ZMYM4: variants seen among roughly 807,000 people sequenced by gnomAD.
ZMYM4 encodes zinc finger MYM-type protein 4.
ZMYM4 carries 31 observed loss-of-function variants against 183.2 expected under a neutral mutation model. The observed-to-expected ratio is 0.17, with a 90% CI of 0.13 to 0.23. The LOEUF (loss-of-function observed/expected upper bound fraction) is 0.23, where lower values mean the gene tolerates loss of function less well. Ranked by LOEUF, ZMYM4 falls within the 10% of genes least tolerant of loss-of-function variation. ZMYM4 has a pLI of 1.00. For synonymous variants in ZMYM4, 592 were observed against 631.2 expected (o/e 0.94, Z 0.93); for missense variants, 1,273 against 1,840.3 (o/e 0.69, Z 5.64).
chr1:35,418,473 A>G lies in ZMYM4; in HGVS notation c.4340A>G (p.Asn1447Ser). 1 of 1,614,090 alleles carries G rather than the reference A, an allele frequency of 6.2e-7. No homozygotes were observed. ...DKLTVGKRKR[N>S]EDDEVPVGVE... ...CTGACTGTTGGCAAGAGGAAACGAA[A>G]TGAAGATGATGAGGTTCCAGTGGGG... The change falls in exon 29 of 30, where the codon AAT becomes AGT. Residue 1447 changes from asparagine (N) to serine (S), a missense_variant. By Grantham distance (46) the Asn-to-Ser change is conservative. Coordinates refer to ENST00000314607, the MANE Select transcript of ZMYM4 (RefSeq NM_005095.3).
intron 1 of ZMYM4, among the ~76,000 whole-genome samples, chr1:35,302,809 C>T (rs1641351367): frequency 6.6e-6 from 1 of 152,022 alleles, no homozygotes; most frequent in African/African-American, 2.4e-5. Flanking sequence ...GTGTGAGCTA[C>T]TGCACCCAGT....
intron 16 of ZMYM4, 127 bp from the exon 17 acceptor site, chr1:35,392,520 T>A (rs946319896): frequency 7.8e-7 from 1 of 1,282,880 alleles, no homozygotes; most frequent in African/African-American, 1.5e-5. Flanking sequence ...GCTAGTTTCT[T>A]CCGTTGAATT....
In ZMYM4 at chr1:35,323,949, T is replaced by C. The variant is rs550131194; in HGVS notation, c.40-1411T>C. Among the ~76,000 whole-genome samples the C allele has an allele frequency of 2.0e-5, 3 of 152,306 alleles. No homozygotes were observed. The East Asian group carries it at 5.8e-4, about 29-fold the overall frequency. On this transcript the variant is annotated intron_variant, in intron 1 of 29. Coordinates refer to ENST00000314607, the MANE Select transcript of ZMYM4 (RefSeq NM_005095.3). ...GGAGTGACCTTCACTATTAGTTTGC[T>C]TTCCTTTACTTTCCAATGTTTACAT...
chr1:35,398,087 A>G (rs967217599), intron 20 of ZMYM4, among the ~76,000 whole-genome samples: 3 of 152,128 alleles, frequency 2.0e-5, no homozygotes, highest in African/African-American at 2.4e-5. Context: ...AGGGGGTACT[A>G]TGTATCTCAA....
chr1:35,344,098 G>T (rs1282635363), intron 2 of ZMYM4, among the ~76,000 whole-genome samples: 1 of 150,922 alleles, frequency 6.6e-6, no homozygotes, highest in Non-Finnish European at 1.5e-5. Flanking sequence ...CTGTTGCCCA[G>T]GCTGGAGTGC....
intron 13 of ZMYM4, among the ~76,000 whole-genome samples, chr1:35,388,612 A>G (rs1200536540): frequency 6.6e-6 from 1 of 152,222 alleles, no homozygotes; most frequent in Non-Finnish European, 1.5e-5. Flanking sequence ...AACAAAAACT[A>G]GTATAGATAC....
In ZMYM4 at chr1:35,397,380, C is replaced by G; in HGVS notation, c.3034C>G (p.Pro1012Ala). The G allele has an allele frequency of 6.3e-7, 1 of 1,585,682 alleles. No individual in the cohort carries two copies. The highest frequency in any genetic ancestry group is 1.8e-5 in the Admixed American group (1 of 56,372). Residue 1012 changes from proline to alanine, a missense_variant, in exon 20 of 30, where the codon CCT (proline) becomes GCT (alanine). This residue lies in a region of ZMYM4 where 290 missense variants were observed against 353.3 expected (regional missense o/e 0.82). Transcript: ENST00000314607. ...CAGTCTATCCTTGGTCTTTCAGATG[C>G]CTGTCCCTATGCTTATTCCATCTTC... ...PVPFGIPVPM[P>A]VPMLIPSSMD... is the part of the protein sequence containing the mutation.
chr1:35,396,173 C>T (rs1476944884), intron 18 of ZMYM4, among the ~76,000 whole-genome samples: 2 of 152,118 alleles, frequency 1.3e-5, no homozygotes, highest in Non-Finnish European at 2.9e-5. Flanking sequence ...TCTTCAGTAG[C>T]TACAAATGAT....
intron 2 of ZMYM4, among the ~76,000 whole-genome samples, chr1:35,333,445 C>A (rs190325444): frequency 1.3e-5 from 2 of 151,888 alleles, no homozygotes; most frequent in Non-Finnish European, 2.9e-5. Context: ...TTAATAGAGA[C>A]GGGGTTTCAC....
chr1:35,302,828 T>G (rs527630886), intron 1 of ZMYM4, among the ~76,000 whole-genome samples: 1 of 152,194 alleles, frequency 6.6e-6, no homozygotes, highest in South Asian at 2.1e-4. Flanking sequence ...GTCTGGCTTT[T>G]GCATTTTAAA....
rs541985068 is a variant in ZMYM4, at chr1:35,317,201, G to A, written c.40-8159G>A. Reference sequence around the variant, plus strand: ...TAATCCCAGCACTTTGGGAGGCCGAGGCAGGTGGATCGCCTGAGGTCTGGA... The same window carrying A: ...TAATCCCAGCACTTTGGGAGGCCGAAGCAGGTGGATCGCCTGAGGTCTGGA... On this transcript the variant is annotated intron_variant, in intron 1 of 29. Coordinates refer to ENST00000314607, the MANE Select transcript of ZMYM4 (RefSeq NM_005095.3). 2.0e-5 allele frequency among the ~76,000 whole-genome samples: 3 copies of A among 151,970 alleles called. No homozygotes were observed. The South Asian group carries it at 6.2e-4, about 32-fold the overall frequency.
intron 21 of ZMYM4, 64 bp downstream of exon 21, chr1:35,398,530 T>C: frequency 4.3e-6 from 6 of 1,388,740 alleles, no homozygotes; most frequent in Non-Finnish European, 5.0e-6. Context: ...ACCTATAAAA[T>C]ATTAGTACCC....
chr1:35,348,741 A>G (rs1643487336), intron 2 of ZMYM4, among the ~76,000 whole-genome samples: 2 of 152,196 alleles, frequency 1.3e-5, no homozygotes, highest in African/African-American at 4.8e-5. Flanking sequence ...GCTTACCAAG[A>G]TTTATTGTGT....
At position 35,421,168 on chromosome 1, in the gene ZMYM4, A is replaced by G. The variant is rs776988670; in HGVS notation, c.*1491A>G. The stretch of plus-strand genomic sequence containing the variant: ...TTTTTTAGGTGGGGGTGGCAGGTGT[A>G]TTTCTTTTTTAACAAATAAAAGGCA... On this transcript the variant is annotated 3_prime_UTR_variant, in exon 30 of 30. Coordinates refer to ENST00000314607, the MANE Select transcript of ZMYM4 (RefSeq NM_005095.3). The G allele has an allele frequency of 3.3e-5, 5 of 152,618 alleles. No individual in the cohort carries two copies. Among genetic ancestry groups the G allele is most frequent in the African/African-American group, 4.8e-5 (2 of 41,454 alleles). The allele number at this position is 152,618 out of a possible 1,614,324, so 9.5% of individuals were successfully genotyped here.
chr1:35,398,150 A>AG (rs1394966296), intron 20 of ZMYM4, among the ~76,000 whole-genome samples: 1 of 152,162 alleles, frequency 6.6e-6, no homozygotes, highest in African/African-American at 2.4e-5. Flanking sequence ...TGCAGTCCAG[A>AG]AGTGGCGGAA....
In ZMYM4 at chr1:35,419,454, T is replaced by C; in HGVS notation, c.4440-16T>C. On this transcript the variant is annotated splice_polypyrimidine_tract_variant and intron_variant, in intron 29 of 29. Transcript: ENST00000314607. Reference sequence around the variant, plus strand: ...TAATTTTCTTTTTTCTCTTTTTTTTTTTCCCCTGTGGATAGTTCTGAAAGT... The same window carrying C: ...TAATTTTCTTTTTTCTCTTTTTTTTCTTCCCCTGTGGATAGTTCTGAAAGT... 1.2e-6 allele frequency: 2 copies of C among 1,606,220 alleles called. No homozygotes were observed. Among genetic ancestry groups the C allele is most frequent in the African/African-American group, 1.3e-5 (1 of 74,276 alleles).
At chr1:35,284,091 C>G (rs1168105060) in intron 1 of ZMYM4, among the ~76,000 whole-genome samples, 2 of 152,004 alleles carry the variant, frequency 1.3e-5, no homozygotes, top group Non-Finnish European at 2.9e-5. Context: ...ATTCTCCTGC[C>G]TCAGCCTCCC....
intron 26 of ZMYM4, among the ~76,000 whole-genome samples, chr1:35,412,625 TTGTG>T (rs1422351067): frequency 6.6e-6 from 1 of 152,164 alleles, no homozygotes; most frequent in Non-Finnish European, 1.5e-5. Context: ...GTAGTTGACT[TTGTG>T]TGATGAGTTT....
At chr1:35,322,502 A>C (rs1642325856) in intron 1 of ZMYM4, among the ~76,000 whole-genome samples, 1 of 151,866 alleles carries the variant, frequency 6.6e-6, no homozygotes, top group Non-Finnish European at 1.5e-5. Context: ...TTTCACCTTA[A>C]ATGGTTGTCA....
Sources: allele counts gnomAD v4.1 joint callset (sites outside exome capture counted in the v4.1 genomes callset), GRCh38; gene constraint gnomAD v4.1.1; regional missense constraint gnomAD v4.1.1; transcripts MANE v1.5; gene names NCBI Gene and HGNC (gene_info 2026-07-23, HGNC 2026-07-21).